Variants in RCAN2 observed in about 807,000 individuals in gnomAD.
RCAN2 encodes calcipressin-2.
RCAN2 carries 9 observed loss-of-function variants against 23.6 expected under a neutral mutation model. The observed-to-expected ratio is 0.38, with a 90% CI of 0.23 to 0.67. RCAN2 has a LOEUF of 0.67. Ranked by LOEUF, RCAN2 falls within the 30% of genes least tolerant of loss-of-function variation. The pLI, the probability that RCAN2 is intolerant of heterozygous loss-of-function variation, is 0.51. For missense variants in RCAN2, 273 were observed against 302.3 expected (o/e 0.90, Z 0.72); for synonymous variants, 109 against 115.7 (o/e 0.94, Z 0.37).
At chr6:46,413,673 G>A (rs1766615727) in intron 2 of RCAN2, among the ~76,000 whole-genome samples, 1 of 152,198 alleles carries the variant, frequency 6.6e-6, no homozygotes, top group Admixed American at 6.5e-5. Context: ...GGCACCAAAT[G>A]GCCCTGCCTC....
intron 4 of RCAN2, among the ~76,000 whole-genome samples, chr6:46,238,090 G>T (rs1305872794): frequency 2.6e-5 from 4 of 152,140 alleles, no homozygotes; most frequent in Non-Finnish European, 5.9e-5. Context: ...TTGTTATGTG[G>T]CAATTGATAA....
chr6:46,321,146 C>T (rs766129796), intron 2 of RCAN2, among the ~76,000 whole-genome samples: 1 of 152,176 alleles, frequency 6.6e-6, no homozygotes, highest in Non-Finnish European at 1.5e-5. Context: ...ATTTAATAAA[C>T]TGTCACTTCC....
intron 2 of RCAN2, among the ~76,000 whole-genome samples, chr6:46,303,233 C>T (rs1198461342): frequency 6.6e-6 from 1 of 151,708 alleles, no homozygotes; most frequent in Non-Finnish European, 1.5e-5. Context: ...CAAGCAGAAC[C>T]AACACGAGAT....
intron 1 of RCAN2, among the ~76,000 whole-genome samples, chr6:46,485,052 G>A (rs1181103274): frequency 2.0e-5 from 3 of 152,144 alleles, no homozygotes; most frequent in Non-Finnish European, 4.4e-5. Flanking sequence ...GCTTTAAGAA[G>A]GTCTATCTGT....
At chr6:46,247,514 C>A (rs1766562106) in intron 3 of RCAN2, among the ~76,000 whole-genome samples, 1 of 152,188 alleles carries the variant, frequency 6.6e-6, no homozygotes, top group African/African-American at 2.4e-5. Flanking sequence ...ATTCCTGTCT[C>A]CCACTGGTCA....
chr6:46,436,762 G>T (rs982538164), intron 2 of RCAN2, among the ~76,000 whole-genome samples: 2 of 152,138 alleles, frequency 1.3e-5, no homozygotes, highest in South Asian at 4.1e-4. Flanking sequence ...AGTGGAATTT[G>T]GTTTTGGACT....
At chr6:46,481,994 A>G (rs1768873710) in intron 1 of RCAN2, among the ~76,000 whole-genome samples, 1 of 118,050 alleles carries the variant, frequency 8.5e-6, no homozygotes, top group African/African-American at 2.5e-5. Context: ...AAAAGCAAGA[A>G]GAGGCATAAT....
intron 2 of RCAN2, among the ~76,000 whole-genome samples, chr6:46,258,852 A>C (rs1418549285): frequency 6.6e-6 from 1 of 152,208 alleles, no homozygotes; most frequent in Non-Finnish European, 1.5e-5. Flanking sequence ...ACAAACAAAC[A>C]AACAAAATAA....
intron 2 of RCAN2, among the ~76,000 whole-genome samples, chr6:46,305,474 A>G (rs114562783): frequency 0.013 from 2,028 of 151,972 alleles, 43 homozygotes; most frequent in African/African-American, 0.043. Context: ...CCATTAAAGC[A>G]CTTGTGCTCA....
At chr6:46,371,736 C>A (rs1765323420) in intron 2 of RCAN2, among the ~76,000 whole-genome samples, 1 of 152,198 alleles carries the variant, frequency 6.6e-6, no homozygotes, top group Non-Finnish European at 1.5e-5. Context: ...ATGGAGTCAG[C>A]TTTCATGTGT....
chr6:46,326,468 A>G (rs1342157713), intron 2 of RCAN2, among the ~76,000 whole-genome samples: 1 of 152,168 alleles, frequency 6.6e-6, no homozygotes, highest in Admixed American at 6.5e-5. Flanking sequence ...TCCTGATTAT[A>G]AATCCCTGAG....
chr6:46,352,781 C>T (rs548187974), intron 2 of RCAN2, among the ~76,000 whole-genome samples: 23 of 152,184 alleles, frequency 1.5e-4, no homozygotes, highest in African/African-American at 5.1e-4. Context: ...AAAAAAAGGT[C>T]CTGTCACTGT....
chr6:46,446,619 C>T (rs1308095521), intron 2 of RCAN2, among the ~76,000 whole-genome samples: 20 of 152,010 alleles, frequency 1.3e-4, no homozygotes, highest in Admixed American at 1.3e-3. Context: ...GTTTCAAAGA[C>T]TAAATTATAA....
At chr6:46,452,569 T>C (rs927699319) in intron 2 of RCAN2, among the ~76,000 whole-genome samples, 3 of 152,138 alleles carry the variant, frequency 2.0e-5, no homozygotes, top group Non-Finnish European at 4.4e-5. Context: ...ATTCTTGGCC[T>C]AGAAATCACA....
chr6:46,229,662 C>T (rs1304317353), intron 4 of RCAN2, among the ~76,000 whole-genome samples: 2 of 152,106 alleles, frequency 1.3e-5, no homozygotes, highest in East Asian at 1.9e-4. Context: ...TTCTAGTTAG[C>T]CATTTGTCTA....
At chr6:46,324,459 A>C (rs902557711) in intron 2 of RCAN2, among the ~76,000 whole-genome samples, 1 of 152,240 alleles carries the variant, frequency 6.6e-6, no homozygotes, top group East Asian at 1.9e-4. Context: ...CCTTAAGTTA[A>C]GACTAAAGCA....
At chr6:46,263,189 C>T (rs1561833686) in intron 2 of RCAN2, among the ~76,000 whole-genome samples, 1 of 152,230 alleles carries the variant, frequency 6.6e-6, no homozygotes, top group Non-Finnish European at 1.5e-5. Flanking sequence ...CTCCCTCCCA[C>T]ACACTACCGT....
At chr6:46,382,744 G>T (rs1765643763) in intron 2 of RCAN2, among the ~76,000 whole-genome samples, 1 of 152,140 alleles carries the variant, frequency 6.6e-6, no homozygotes, top group Non-Finnish European at 1.5e-5. Context: ...ATTAGATCAA[G>T]AAATATTTTA....
intron 2 of RCAN2, among the ~76,000 whole-genome samples, chr6:46,376,959 C>T (rs930894009): frequency 2.0e-5 from 3 of 152,024 alleles, no homozygotes; most frequent in African/African-American, 7.2e-5. Flanking sequence ...AAACACTGCC[C>T]TCCATGGCTG....
Sources: allele counts gnomAD v4.1 joint callset (sites outside exome capture counted in the v4.1 genomes callset), GRCh38; gene constraint gnomAD v4.1.1; transcripts MANE v1.5; gene names NCBI Gene and HGNC (gene_info 2026-07-23, HGNC 2026-07-21).